The following ZSWIM5 variants were observed in gnomAD, a reference collection of about 807,000 sequenced individuals.
ZSWIM5 encodes the protein zinc finger SWIM-type containing 5.
Under a neutral mutation model 119.6 loss-of-function variants are expected in ZSWIM5, and 55 were observed. The ratio of observed to expected loss-of-function variants is 0.46; its 90% CI spans 0.37 to 0.58. The LOEUF is 0.58. Ranked by LOEUF, ZSWIM5 falls within the 20% of genes least tolerant of loss-of-function variation. The pLI, the probability that ZSWIM5 is intolerant of heterozygous loss-of-function variation, is 0.00. For missense variants in ZSWIM5, 1,193 were observed against 1,512.8 expected (o/e 0.79, Z 3.51); for synonymous variants, 537 against 606.9 (o/e 0.88, Z 1.69).
At chr1:45,195,814 T>A (rs1646118552) in intron 1 of ZSWIM5, among the ~76,000 whole-genome samples, 1 of 151,616 alleles carries the variant, frequency 6.6e-6, no homozygotes, top group Non-Finnish European at 1.5e-5. Context: ...ATGTTTTGAC[T>A]GCCAACAACA....
intron 1 of ZSWIM5, among the ~76,000 whole-genome samples, chr1:45,129,461 C>A (rs1645641736): frequency 6.6e-6 from 1 of 152,056 alleles, no homozygotes; most frequent in South Asian, 2.1e-4. Flanking sequence ...CCAGCCAGAT[C>A]TTGCATTTTT....
chr1:45,115,393 T>C (rs931763493), intron 1 of ZSWIM5, among the ~76,000 whole-genome samples: 5 of 142,860 alleles, frequency 3.5e-5, no homozygotes, highest in African/African-American at 1.3e-4. Context: ...GGGCGGCTGC[T>C]GGGCGGAGGG....
In ZSWIM5 at chr1:45,091,625, G is replaced by C. The variant is rs181501821; in HGVS notation, c.596-3388C>G. Among the ~76,000 whole-genome samples, 5 of 152,196 alleles carry C rather than the reference G, an allele frequency of 3.3e-5. No individual in the cohort carries two copies. In the East Asian group the frequency reaches 9.6e-4, roughly 29 times the overall value. ...TGCAATAAGCCATGATGACACCACT[G>C]TGCTCCAGATTGAGTGACAGAGCAA... On this transcript the variant is annotated intron_variant, in intron 1 of 13. Coordinates refer to ENST00000359600, the MANE Select transcript of ZSWIM5 (RefSeq NM_020883.2).
intron 11 of ZSWIM5, among the ~76,000 whole-genome samples, chr1:45,030,798 CTTTT>C (rs56045429): frequency 7.5e-6 from 1 of 133,096 alleles, no homozygotes; most frequent in African/African-American, 2.8e-5. Context: ...TTCATTCTTT[CTTTT>C]TTTTTTTTTT....
chr1:45,095,092 T>A (rs1010859368), intron 1 of ZSWIM5, among the ~76,000 whole-genome samples: 4 of 152,080 alleles, frequency 2.6e-5, no homozygotes, highest in African/African-American at 9.7e-5. Context: ...TTGTAATTCC[T>A]TAATATCAAA....
intron 2 of ZSWIM5, among the ~76,000 whole-genome samples, chr1:45,060,775 A>G (rs1645148157): frequency 6.6e-6 from 1 of 152,160 alleles, no homozygotes. Flanking sequence ...CCCAGGCTCC[A>G]TCGATCCTTC....
At chr1:45,093,906 C>T (rs547724867) in intron 1 of ZSWIM5, among the ~76,000 whole-genome samples, 7 of 148,306 alleles carry the variant, frequency 4.7e-5, no homozygotes, top group African/African-American at 1.2e-4. Context: ...TGCAGTGGTG[C>T]GACCACGGCT....
At position 45,048,020 on chromosome 1, in the gene ZSWIM5, A is replaced by C. The variant is rs150304132; in HGVS notation, c.1432+3054T>G. Among the ~76,000 whole-genome samples the C allele has an allele frequency of 7.5e-3, 1,131 of 150,584 alleles. 20 individuals are homozygous for C. Among genetic ancestry groups the C allele is most frequent in the African/African-American group, 0.027 (1,093 of 41,064 alleles). ...GTGGTCATAAACTTAAAATAAGACC[A>C]GTTATTATGGTTGTTTCTTTCTTTC... On this transcript the variant is annotated intron_variant, in intron 5 of 13. Transcript: ENST00000359600.
chr1:45,092,432 G>T (rs886893604), intron 1 of ZSWIM5, among the ~76,000 whole-genome samples: 2 of 151,422 alleles, frequency 1.3e-5, no homozygotes, highest in Non-Finnish European at 2.9e-5. Flanking sequence ...GAGTAGCTGG[G>T]ATTACAGGTG....
chr1:45,089,566 A>T (rs1440190412), intron 1 of ZSWIM5, among the ~76,000 whole-genome samples: 2 of 152,230 alleles, frequency 1.3e-5, no homozygotes, highest in African/African-American at 4.8e-5. Context: ...GGCACTAGCA[A>T]ATGTGACAGA....
At chr1:45,202,629 G>A (rs1367111004) in intron 1 of ZSWIM5, among the ~76,000 whole-genome samples, 4 of 151,960 alleles carry the variant, frequency 2.6e-5, no homozygotes, top group Non-Finnish European at 4.4e-5. Flanking sequence ...ACATAACTAA[G>A]ATGTACCAGG....
intron 1 of ZSWIM5, among the ~76,000 whole-genome samples, chr1:45,143,195 A>G (rs1162403278): frequency 6.6e-6 from 1 of 150,612 alleles, no homozygotes; most frequent in African/African-American, 2.4e-5. Context: ...AAAAAAGAAG[A>G]AGAAAAGAAA....
chr1:45,201,712 C>T (rs996154998), intron 1 of ZSWIM5, among the ~76,000 whole-genome samples: 1 of 152,112 alleles, frequency 6.6e-6, no homozygotes, highest in African/African-American at 2.4e-5. Flanking sequence ...GAGAAAGTCA[C>T]CTTTAGAAAA....
At chr1:45,070,742 C>T (rs79475808) in intron 2 of ZSWIM5, among the ~76,000 whole-genome samples, 3,145 of 152,248 alleles carry the variant, frequency 0.021, 115 homozygotes, top group African/African-American at 0.072. Flanking sequence ...AATGCTACAT[C>T]TTCTTTGATA....
At position 45,016,719 on chromosome 1, in the gene ZSWIM5, C is replaced by T. The variant is rs1644856170; in HGVS notation, c.*1735G>A. On this transcript the variant is annotated 3_prime_UTR_variant, in exon 14 of 14. Coordinates refer to ENST00000359600, the MANE Select transcript of ZSWIM5 (RefSeq NM_020883.2). ...ATACCACCCCTTCCCTATCAAACCC[C>T]ACCCCCAACTCAGGAACTAAGACAT... 2 of 152,182 alleles carry T rather than the reference C, an allele frequency of 1.3e-5. No homozygotes were observed. The highest frequency in any genetic ancestry group is 2.9e-5 in the Non-Finnish European group (2 of 68,036). The allele number at this position is 152,182 out of a possible 1,614,324, so 9.4% of individuals were successfully genotyped here.
At chr1:45,178,209 T>C (rs1341727027) in intron 1 of ZSWIM5, among the ~76,000 whole-genome samples, 2 of 151,906 alleles carry the variant, frequency 1.3e-5, no homozygotes, top group Non-Finnish European at 2.9e-5. Context: ...GCGGATCACC[T>C]GAGGTCAGCA....
At chr1:45,120,155 C>A (rs1244826922) in intron 1 of ZSWIM5, among the ~76,000 whole-genome samples, 1 of 152,154 alleles carries the variant, frequency 6.6e-6, no homozygotes, top group Admixed American at 6.5e-5. Context: ...ACTAGCCTGG[C>A]CAACATGGTG....
chr1:45,112,641 C>G (rs917520767), intron 1 of ZSWIM5, among the ~76,000 whole-genome samples: 2 of 152,176 alleles, frequency 1.3e-5, no homozygotes, highest in Non-Finnish European at 2.9e-5. Context: ...GAAGCCAAAT[C>G]TGTGGGCTTC....
chr1:45,051,130 C>T lies in ZSWIM5; in HGVS notation c.1376G>A (p.Gly459Glu). Residue 459 changes from glycine to glutamate, a missense_variant, in exon 5 of 14, where the codon GGA becomes GAA. This residue lies in a region of ZSWIM5 where 961 missense variants were observed against 1,290.0 expected (regional missense o/e 0.74). Coordinates refer to ENST00000359600, the MANE Select transcript of ZSWIM5 (RefSeq NM_020883.2). ...DVCPLEDGNY[G>E]HELPNITNAL... ...ATTGGTGATGTTGGGCAGCTCATGT[C>T]CATAGTTTCCATCCTCCAGGGGACA... 1 of 1,614,172 alleles carries T rather than the reference C, an allele frequency of 6.2e-7. No individual in the cohort carries two copies. The highest frequency in any genetic ancestry group is 8.5e-7 in the Non-Finnish European group (1 of 1,180,036).
Sources: gnomAD v4.1 joint callset for allele counts (sites outside exome capture counted in the v4.1 genomes callset) on GRCh38, gnomAD v4.1.1 for gene constraint, gnomAD v4.1.1 regional missense constraint, MANE v1.5 for transcripts, NCBI Gene and HGNC (gene_info 2026-07-23, HGNC 2026-07-21) for gene names.